Variants in ACSL6 observed in about 807,000 individuals in gnomAD.
ACSL6 encodes the protein acyl-CoA synthetase long chain family member 6.
In ACSL6, 47 loss-of-function variants were observed where a neutral mutation model predicts 98.2. The observed-to-expected ratio is 0.48, with a 90% CI of 0.38 to 0.61. The LOEUF is 0.61. Among genes scored for constraint, ACSL6 ranks in the 20% least tolerant of loss-of-function variants. The pLI, the probability that ACSL6 is intolerant of heterozygous loss-of-function variation, is 0.00. For missense variants in ACSL6, 761 were observed against 913.4 expected (o/e 0.83, Z 2.15); for synonymous variants, 362 against 336.9 (o/e 1.07, Z -0.82).
Position 131,953,572 on chromosome 5 carries a change from T to A in ACSL6, c.*662A>T, listed in dbSNP as rs944575660. ...ATGAGCCATGATTAAGCCACTGCAC[T>A]CCAGCCTAGGTGACAGAGCAGACCC... is the stretch of plus-strand genomic sequence containing the variant. On this transcript the variant is annotated 3_prime_UTR_variant, in exon 21 of 21. Coordinates refer to ENST00000651883, the MANE Select transcript of ACSL6 (RefSeq NM_001009185.3). The A allele has an allele frequency of 5.3e-6, 1 of 188,702 alleles. No homozygotes were observed. The highest frequency in any genetic ancestry group is 2.0e-4 in the South Asian group (1 of 5,104). The allele number at this position is 188,702 out of a possible 1,614,324, so 11.7% of individuals were successfully genotyped here.
Position 131,990,150 on chromosome 5 carries a change from G to C in ACSL6, c.400C>G (p.Leu134Val). ...GGCTGCTTAGGCTTCCTGAAACCAA[G>C]ACAGGGCCCATTCCCTGTAGAGAGA... ...GLSISGNGPCLGFRKPKQPYQ... is the reference protein window; with the variant it reads ...GLSISGNGPCVGFRKPKQPYQ... The change falls in exon 4 of 21, where the codon CTT becomes GTT. Residue 134 changes from leucine to valine, a missense_variant. Transcript: ENST00000651883. 7 of 1,614,058 alleles carry C rather than the reference G, an allele frequency of 4.3e-6. No homozygotes were observed. Among genetic ancestry groups the C allele is most frequent in the Non-Finnish European group, 5.1e-6 (6 of 1,179,974 alleles).
chr5:131,987,586 A>G (rs913326637), intron 7 of ACSL6, among the ~76,000 whole-genome samples: 3 of 152,168 alleles, frequency 2.0e-5, no homozygotes, highest in Non-Finnish European at 4.4e-5. Flanking sequence ...CAGACCACCA[A>G]CTGCCACCAA....
Position 131,953,056 on chromosome 5 carries a change from C to G in ACSL6, c.*1178G>C, listed in dbSNP as rs1752232558. 4.9e-6 allele frequency: 1 copy of G among 204,744 alleles called. No individual in the cohort carries two copies. Among genetic ancestry groups the G allele is most frequent in the Admixed American group, 6.0e-5 (1 of 16,748 alleles). 12.7% of individuals were successfully genotyped at this position (204,744 alleles called of 1,614,324 possible). Reference sequence around the variant, plus strand: ...AAGACCCCAGCAAGGAATGTAGGTACATTAATTGCTGCCTACCCTGAGAAA... The same window carrying G: ...AAGACCCCAGCAAGGAATGTAGGTAGATTAATTGCTGCCTACCCTGAGAAA... On this transcript the variant is annotated 3_prime_UTR_variant, in exon 21 of 21. Coordinates refer to ENST00000651883, the MANE Select transcript of ACSL6 (RefSeq NM_001009185.3).
In ACSL6 at chr5:132,011,492, G is replaced by A. The variant is rs765263437; in HGVS notation, c.49+13C>T. 6.2e-7 allele frequency: 1 copy of A among 1,610,298 alleles called. No individual in the cohort carries two copies. The highest frequency in any genetic ancestry group is 2.2e-5 in the East Asian group (1 of 44,534). ...AGATGGGAGTCCGGGACGCGGACAG[G>A]ACGGGCACTTACCTACGAATAGCCA... On this transcript the variant is annotated intron_variant, in intron 1 of 20. Transcript: ENST00000651883. This position sits in a 1 kb window ranked among gnomAD's most constrained non-coding sequence, Gnocchi z 5.4.
At chr5:131,997,901 A>C (rs1269654194) in intron 1 of ACSL6, among the ~76,000 whole-genome samples, 1 of 152,202 alleles carries the variant, frequency 6.6e-6, no homozygotes, top group Non-Finnish European at 1.5e-5. Flanking sequence ...GGTTCCCTTC[A>C]GACCTGGGAG....
Position 131,985,475 on chromosome 5 carries a change from A to G in ACSL6, c.865-17T>C, listed in dbSNP as rs1209694056. 1 of 1,613,484 alleles carries G rather than the reference A, an allele frequency of 6.2e-7. No homozygotes were observed. The highest frequency in any genetic ancestry group is 1.3e-5 in the African/African-American group (1 of 75,022). On this transcript the variant is annotated splice_polypyrimidine_tract_variant and intron_variant, in intron 8 of 20. Transcript: ENST00000651883. ...CTGCGGGGGCTGCAGGGGTGAGAAG[A>G]GGAGTGTGTTAGGGAGACCCAGTGT...
intron 20 of ACSL6, among the ~76,000 whole-genome samples, chr5:131,959,070 C>A (rs1752566672): frequency 6.6e-6 from 1 of 151,952 alleles, no homozygotes; most frequent in Non-Finnish European, 1.5e-5. Context: ...TGTGTCCTCT[C>A]CCAAAGCATT....
At chr5:132,000,905 C>T (rs1246620798) in intron 1 of ACSL6, among the ~76,000 whole-genome samples, 4 of 152,162 alleles carry the variant, frequency 2.6e-5, no homozygotes, top group Non-Finnish European at 5.9e-5. Flanking sequence ...GCAACACCTT[C>T]CCTGGAGCAG....
At position 131,986,789 on chromosome 5, in the gene ACSL6, G is replaced by T. The variant is rs150283710; in HGVS notation, c.864+33C>A. The T allele has an allele frequency of 6.9e-4, 1,109 of 1,613,730 alleles. 10 individuals carry two copies. In the African/African-American group the frequency reaches 0.013, roughly 19 times the overall value. On this transcript the variant is annotated intron_variant, in intron 8 of 20. Coordinates refer to ENST00000651883, the MANE Select transcript of ACSL6 (RefSeq NM_001009185.3). ...GAGGACAGGCCCTGCACGCCATCTC[G>T]CTCAATAAAGACCTGCAGGTGAATT...
intron 1 of ACSL6, among the ~76,000 whole-genome samples, chr5:132,010,946 G>A (rs1395549232): frequency 6.6e-6 from 1 of 152,168 alleles, no homozygotes; most frequent in African/African-American, 2.4e-5. Flanking sequence ...AAACAGTGGA[G>A]ACACAGCAGC....
Position 131,973,375 on chromosome 5 carries a change from C to T in ACSL6, c.1094G>A (p.Arg365His), listed in dbSNP as rs762827404. Reference protein sequence around the residue: ...IQSVVYCHGGRVGFFQGDIRL... With the variant: ...IQSVVYCHGGHVGFFQGDIRL... ...GATATCTCCCTGGAAGAAGCCAACA[C>T]GCCCTCCGTGGCAATAGACGACAGA... is the stretch of plus-strand genomic sequence containing the variant. Residue 365 changes from arginine (R) to histidine (H), a missense_variant, in exon 12 of 21, where the codon CGT becomes CAT. Physicochemically the swap from Arg to His is conservative, Grantham distance 29. Transcript: ENST00000651883. The T allele has an allele frequency of 8.7e-6, 14 of 1,614,042 alleles. No individual in the cohort carries two copies. In the East Asian group the frequency reaches 8.9e-5, roughly 10 times the overall value.
chr5:132,011,466 G>A lies in ACSL6; in HGVS notation c.49+39C>T. 2 of 1,598,574 alleles carry A rather than the reference G, an allele frequency of 1.3e-6. No homozygotes were observed. The highest frequency in any genetic ancestry group is 8.6e-7 in the Non-Finnish European group (1 of 1,167,510). The stretch of plus-strand genomic sequence containing the variant: ...CGGGCGAAGACCTCATAGCCTGCGG[G>A]AGATGGGAGTCCGGGACGCGGACAG... On this transcript the variant is annotated intron_variant, in intron 1 of 20. Transcript: ENST00000651883. The surrounding 1 kb of genome is among the most constrained non-coding windows in gnomAD (Gnocchi z 5.4).
intron 17 of ACSL6, among the ~76,000 whole-genome samples, chr5:131,966,121 C>T (rs1351223439): frequency 1.3e-5 from 2 of 152,202 alleles, no homozygotes; most frequent in African/African-American, 4.8e-5. Flanking sequence ...TACTTCACAT[C>T]AGATTCCACA....
At chr5:132,000,383 C>A (rs1386656197) in intron 1 of ACSL6, among the ~76,000 whole-genome samples, 1 of 151,804 alleles carries the variant, frequency 6.6e-6, no homozygotes, top group Non-Finnish European at 1.5e-5. Flanking sequence ...CACCCTGGAG[C>A]CAGAACCCAC....
chr5:131,984,113 G>A (rs1387459074), intron 9 of ACSL6: 1 of 152,242 alleles, frequency 6.6e-6, no homozygotes, highest in Non-Finnish European at 1.5e-5. Context: ...TTTGAATTCT[G>A]GGTTGGCTCT....
At chr5:132,005,845 A>G (rs1268788937) in intron 1 of ACSL6, among the ~76,000 whole-genome samples, 1 of 152,092 alleles carries the variant, frequency 6.6e-6, no homozygotes, top group Non-Finnish European at 1.5e-5. Context: ...GGTCCCAGGC[A>G]CTGGTCAATA....
At chr5:131,978,910 G>C (rs1027441565) in intron 9 of ACSL6, among the ~76,000 whole-genome samples, 2 of 152,310 alleles carry the variant, frequency 1.3e-5, no homozygotes, top group Admixed American at 6.5e-5. Context: ...GAAACGTATG[G>C]TGGATGGGAT....
chr5:132,002,272 T>A (rs1261888535), intron 1 of ACSL6, among the ~76,000 whole-genome samples: 2 of 152,230 alleles, frequency 1.3e-5, no homozygotes, highest in African/African-American at 4.8e-5. Flanking sequence ...ATGTCCACGT[T>A]AGGACTGCTG....
intron 1 of ACSL6, chr5:132,006,324 C>T (rs1470783779): frequency 6.6e-6 from 1 of 152,180 alleles, no homozygotes; most frequent in Non-Finnish European, 1.5e-5. Context: ...TCCCAGGCCC[C>T]AAGATTCACA....
Sources: allele counts gnomAD v4.1 joint callset (sites outside exome capture counted in the v4.1 genomes callset), GRCh38; gene constraint gnomAD v4.1.1; non-coding constraint Gnocchi (gnomAD v3.1); transcripts MANE v1.5; gene names NCBI Gene and HGNC (gene_info 2026-07-23, HGNC 2026-07-21).